STX8: variants seen among roughly 807,000 people sequenced by gnomAD.
The protein encoded by STX8 is syntaxin-8.
In STX8, 23 loss-of-function variants were observed where a neutral mutation model predicts 37.5. The observed-to-expected ratio is 0.61, with a 90% CI of 0.44 to 0.87. The LOEUF is 0.87. Ranked by LOEUF, STX8 falls within the 40% of genes least tolerant of loss-of-function variation. STX8 has a pLI of 0.00. For synonymous variants in STX8, 115 were observed against 99.1 expected, an observed-to-expected ratio of 1.16 and a Z score of -0.95; for missense variants, 313 against 284.7, an observed-to-expected ratio of 1.10 and a Z score of -0.71.
Position 9,448,421 on chromosome 17 carries a change from C to T in STX8, c.541+43408G>A, listed in dbSNP as rs1444447074. 2.0e-5 allele frequency among the ~76,000 whole-genome samples: 3 copies of T among 152,158 alleles called. No homozygotes were observed. The East Asian group carries it at 5.8e-4, about 29-fold the overall frequency. On this transcript the variant is annotated intron_variant, in intron 6 of 7. Transcript: ENST00000306357. The stretch of plus-strand genomic sequence containing the variant: ...ATACTGCAAACAAGTGTCCTTTCGG[C>T]GGTGTGTTTAGTCTTTCACATTTCT...
At chr17:9,533,084 G>C (rs976864539) in intron 4 of STX8, among the ~76,000 whole-genome samples, 1 of 152,150 alleles carries the variant, frequency 6.6e-6, no homozygotes, top group Non-Finnish European at 1.5e-5. Context: ...TCTCAAAATA[G>C]AATTAAACAA....
rs150682084 is a variant in STX8 at position 9,516,298 on chromosome 17, C to CATATATATATATAT, written c.324-11150_324-11137dup. The stretch of plus-strand genomic sequence containing the variant: ...AAAAATGACACATTAGAACCACAGT[C>CATATATATATATAT]ATATATATATATATATATATATATA... On this transcript the variant is annotated intron_variant, in intron 4 of 7. Coordinates refer to ENST00000306357, the MANE Select transcript of STX8 (RefSeq NM_004853.3). Among the ~76,000 whole-genome samples, 54 of 51,740 alleles carry CATATATATATATAT rather than the reference C, an allele frequency of 1.0e-3. 2 individuals are homozygous for CATATATATATATAT. The highest frequency in any genetic ancestry group is 1.6e-3 in the South Asian group (2 of 1,276). 33.9% of individuals were successfully genotyped at this position (51,740 alleles called of 152,430 possible). A position where few individuals can be genotyped will look rare whatever the true frequency, so the allele number is the denominator to read the frequency against.
At chr17:9,419,882 C>G (rs1488190556) in intron 6 of STX8, among the ~76,000 whole-genome samples, 2 of 152,222 alleles carry the variant, frequency 1.3e-5, no homozygotes, top group East Asian at 3.8e-4. Context: ...AGGAAATTAT[C>G]TGTGTAGAAA....
At chr17:9,422,720 G>A (rs1913485769) in intron 6 of STX8, among the ~76,000 whole-genome samples, 1 of 152,222 alleles carries the variant, frequency 6.6e-6, no homozygotes, top group South Asian at 2.1e-4. Context: ...TAACTGCAAT[G>A]GTGAATAGCT....
chr17:9,296,050 G>C (rs28843803), intron 7 of STX8, among the ~76,000 whole-genome samples: 78,772 of 151,838 alleles, frequency 0.52, 20,705 homozygotes, highest in African/African-American at 0.59. Context: ...ATTAGCCGGG[G>C]GCGGTGGCGG....
chr17:9,437,251 G>A (rs1423670536), intron 6 of STX8, among the ~76,000 whole-genome samples: 1 of 152,154 alleles, frequency 6.6e-6, no homozygotes, highest in Non-Finnish European at 1.5e-5. Flanking sequence ...AACATTGATT[G>A]GCTTGCTCAA....
chr17:9,437,191 G>A (rs1382700022), intron 6 of STX8, among the ~76,000 whole-genome samples: 1 of 152,182 alleles, frequency 6.6e-6, no homozygotes, highest in African/African-American at 2.4e-5. Flanking sequence ...ATATCGCGTT[G>A]CTTAAATATT....
chr17:9,450,880 A>C (rs1297097528), intron 6 of STX8, among the ~76,000 whole-genome samples: 1 of 152,102 alleles, frequency 6.6e-6, no homozygotes, highest in Non-Finnish European at 1.5e-5. Context: ...TGACATCCTG[A>C]AACAAGGCCT....
chr17:9,563,251 C>T (rs901852973), intron 2 of STX8, among the ~76,000 whole-genome samples: 1 of 151,926 alleles, frequency 6.6e-6, no homozygotes, highest in Non-Finnish European at 1.5e-5. Context: ...GGCACGATCT[C>T]GGCTCGCTGT....
At chr17:9,346,893 C>T (rs1427670527) in intron 7 of STX8, among the ~76,000 whole-genome samples, 1 of 151,946 alleles carries the variant, frequency 6.6e-6, no homozygotes, top group Admixed American at 6.6e-5. Flanking sequence ...TCTGGGAGGC[C>T]GAGGTGGGCA....
chr17:9,468,961 G>T (rs1246837298), intron 6 of STX8: 1 of 152,334 alleles, frequency 6.6e-6, no homozygotes, highest in Non-Finnish European at 1.5e-5. Context: ...CTCCGAGGCT[G>T]CTCCCCAGAG....
intron 7 of STX8, among the ~76,000 whole-genome samples, chr17:9,298,381 T>G (rs1319195861): frequency 1.3e-5 from 2 of 152,212 alleles, no homozygotes; most frequent in Non-Finnish European, 2.9e-5. Flanking sequence ...GAAAGGCTGA[T>G]GAGGAAATCA....
chr17:9,452,374 A>C (rs893251208), intron 6 of STX8: 2 of 152,190 alleles, frequency 1.3e-5, no homozygotes, highest in Non-Finnish European at 2.9e-5. Context: ...AAAATAGAAA[A>C]AAAAAAATCT....
At chr17:9,289,653 G>A (rs562855115) in intron 7 of STX8, among the ~76,000 whole-genome samples, 177 of 151,616 alleles carry the variant, frequency 1.2e-3, no homozygotes, top group African/African-American at 4.1e-3. Context: ...GGTGGCGGGC[G>A]CCTGTAGTCC....
intron 6 of STX8, among the ~76,000 whole-genome samples, chr17:9,395,204 T>C (rs1363164172): frequency 6.6e-6 from 1 of 152,184 alleles, no homozygotes; most frequent in Non-Finnish European, 1.5e-5. Flanking sequence ...CTAAAACAAA[T>C]ATTCATATAA....
intron 7 of STX8, among the ~76,000 whole-genome samples, chr17:9,371,953 G>A (rs111696103): frequency 1.4e-4 from 22 of 152,046 alleles, no homozygotes; most frequent in African/African-American, 5.1e-4. Flanking sequence ...TGCTGTTTCC[G>A]GGTATGCTAG....
intron 6 of STX8, among the ~76,000 whole-genome samples, chr17:9,461,799 A>G (rs1394477583): frequency 1.3e-5 from 2 of 151,952 alleles, no homozygotes; most frequent in Non-Finnish European, 1.5e-5. Flanking sequence ...CATCATGTAG[A>G]CTCAGTGGGA....
intron 7 of STX8, among the ~76,000 whole-genome samples, chr17:9,253,916 G>A (rs115198439): frequency 1.2e-4 from 19 of 152,238 alleles, no homozygotes; most frequent in East Asian, 1.2e-3. Flanking sequence ...TCATACACCC[G>A]GAGCGTGAGG....
At chr17:9,347,612 G>A (rs542774152) in intron 7 of STX8, among the ~76,000 whole-genome samples, 1 of 152,102 alleles carries the variant, frequency 6.6e-6, no homozygotes, top group Non-Finnish European at 1.5e-5. Context: ...TGCCTCCCAG[G>A]TTCAAGCGAT....
Sources: gnomAD v4.1 joint callset for allele counts (sites outside exome capture counted in the v4.1 genomes callset) on GRCh38, gnomAD v4.1.1 for gene constraint, MANE v1.5 for transcripts, NCBI Gene and HGNC (gene_info 2026-07-23, HGNC 2026-07-21) for gene names.